The following CELF5 variants were observed in gnomAD, a reference collection of about 807,000 sequenced individuals.
The protein encoded by CELF5 is CUG-BP and ETR-3 like factor 5.
CELF5 carries 6 observed loss-of-function variants against 54.9 expected under a neutral mutation model. The ratio of observed to expected loss-of-function variants is 0.11; its 90% CI spans 0.06 to 0.22. The LOEUF (loss-of-function observed/expected upper bound fraction) is 0.22, where lower values mean the gene tolerates loss of function less well. CELF5 is among the 10% of genes least tolerant of loss of function. The pLI is 1.00. For missense variants in CELF5, 401 were observed against 678.6 expected (o/e 0.59, Z 4.54); for synonymous variants, 271 against 290.9 (o/e 0.93, Z 0.70).
At chr19:3,277,900 T>A (rs1284670223) in intron 4 of CELF5, 131 bp from the exon 5 acceptor site, 2 of 670,634 alleles carry the variant, frequency 3.0e-6, no homozygotes, top group Non-Finnish European at 2.7e-6. Flanking sequence ...TGTCTTTCTG[T>A]TATCAGTTCT....
intron 2 of CELF5, among the ~76,000 whole-genome samples, chr19:3,271,441 C>T (rs1158377570): frequency 6.6e-6 from 1 of 152,116 alleles, no homozygotes; most frequent in Non-Finnish European, 1.5e-5. Context: ...GGAGGTTTTC[C>T]TCTCCTAGGT....
At position 3,269,592 on chromosome 19, in the gene CELF5, C is replaced by T. The variant is rs144753460; in HGVS notation, c.343-4280C>T. The stretch of plus-strand genomic sequence containing the variant: ...CCTGCAGTCGTTCCCATTCCCCACC[C>T]CCCAAGGGGCCTCAGTTTCCCCATC... On this transcript the variant is annotated intron_variant, in intron 2 of 12. Transcript: ENST00000292672. Among the ~76,000 whole-genome samples, 234 of 152,324 alleles carry T rather than the reference C, an allele frequency of 1.5e-3. 1 individual carries two copies. The highest frequency in any genetic ancestry group is 5.3e-3 in the African/African-American group (222 of 41,554).
At chr19:3,252,318 A>C (rs967526345) in intron 2 of CELF5, among the ~76,000 whole-genome samples, 2 of 152,102 alleles carry the variant, frequency 1.3e-5, no homozygotes, top group Non-Finnish European at 2.9e-5. Flanking sequence ...TACAGGTGTG[A>C]GCCAGCACAC....
chr19:3,263,805 T>G (rs2079842168), intron 2 of CELF5, among the ~76,000 whole-genome samples: 1 of 151,390 alleles, frequency 6.6e-6, no homozygotes, highest in Non-Finnish European at 1.5e-5. Context: ...CTCAGGAGGC[T>G]GAAGAAGGAG....
chr19:3,262,887 G>T (rs1278920790), intron 2 of CELF5, among the ~76,000 whole-genome samples: 1 of 151,876 alleles, frequency 6.6e-6, no homozygotes, highest in Non-Finnish European at 1.5e-5. Context: ...TGCAGTGAGT[G>T]GAGATCACGC....
rs1381878228 is a variant in CELF5 at position 3,282,085 on chromosome 19, G to A, written c.751-41G>A. On this transcript the variant is annotated intron_variant, in intron 6 of 12. Coordinates refer to ENST00000292672, the MANE Select transcript of CELF5 (RefSeq NM_021938.4). This position sits in a 1 kb window ranked among gnomAD's most constrained non-coding sequence, Gnocchi z 5.2. Reference sequence around the variant, plus strand: ...CCTCCCCTCATAAGCCATGATCTCAGGGCAGATATCACCCCAACTGTGACA... The same window carrying A: ...CCTCCCCTCATAAGCCATGATCTCAAGGCAGATATCACCCCAACTGTGACA... 2.5e-6 allele frequency: 4 copies of A among 1,612,134 alleles called. No individual in the cohort carries two copies. The highest frequency in any genetic ancestry group is 2.2e-5 in the East Asian group (1 of 44,856).
At chr19:3,293,573 TC>T in intron 12 of CELF5, 87 bp downstream of exon 12, 1 of 1,088,602 alleles carries the variant, frequency 9.2e-7, no homozygotes, top group Non-Finnish European at 1.2e-6. Flanking sequence ...CTCCAAACCC[TC>T]CCCAGGTGGG....
At position 3,278,133 on chromosome 19, in the gene CELF5, C is replaced by T. The variant is rs1352534657; in HGVS notation, c.603+23C>T. Reference sequence around the variant, plus strand: ...CCGGTGAGTTGGAGCTGCCCTTGGCCGTGGGGGTGGGGGTGGGAAAGGGGT... The same window carrying T: ...CCGGTGAGTTGGAGCTGCCCTTGGCTGTGGGGGTGGGGGTGGGAAAGGGGT... On this transcript the variant is annotated intron_variant, in intron 5 of 12. Coordinates refer to ENST00000292672, the MANE Select transcript of CELF5 (RefSeq NM_021938.4). The surrounding 1 kb of genome is among the most constrained non-coding windows in gnomAD (Gnocchi z 4.5). 3 of 580,228 alleles carry T rather than the reference C, an allele frequency of 5.2e-6. No homozygotes were observed. The highest frequency in any genetic ancestry group is 2.0e-5 in the African/African-American group (1 of 51,154). The allele number at this position is 580,228 out of a possible 1,614,324, so 35.9% of individuals were successfully genotyped here.
At chr19:3,232,891 A>G (rs951452635) in intron 1 of CELF5, among the ~76,000 whole-genome samples, 3 of 152,080 alleles carry the variant, frequency 2.0e-5, no homozygotes, top group Non-Finnish European at 2.9e-5. Flanking sequence ...CCTGACCAAC[A>G]TGGAGAAACC....
Position 3,278,877 on chromosome 19 carries a change from C to T in CELF5, c.603+767C>T, listed in dbSNP as rs1239215339. On this transcript the variant is annotated intron_variant, in intron 5 of 12. Transcript: ENST00000292672. The surrounding 1 kb of genome is among the most constrained non-coding windows in gnomAD (Gnocchi z 4.5). ...TTGGATTTGCTGAGGCCAGGAGAGG[C>T]CCTGACAAAAAGAAAGGCTGGGAGG... is the stretch of plus-strand genomic sequence containing the variant. Among the ~76,000 whole-genome samples, 1 of 151,994 alleles carries T rather than the reference C, an allele frequency of 6.6e-6. No homozygotes were observed. Among genetic ancestry groups the T allele is most frequent in the Non-Finnish European group, 1.5e-5 (1 of 68,016 alleles).
chr19:3,240,340 T>C (rs1188852842), intron 1 of CELF5, among the ~76,000 whole-genome samples: 1 of 151,194 alleles, frequency 6.6e-6, no homozygotes, highest in Non-Finnish European at 1.5e-5. Flanking sequence ...CTTTCTTTTT[T>C]TTTGAGATGG....
intron 2 of CELF5, among the ~76,000 whole-genome samples, chr19:3,269,807 G>A (rs944080997): frequency 2.4e-4 from 37 of 151,136 alleles, no homozygotes; most frequent in African/African-American, 8.5e-4. Flanking sequence ...TGTCGTCCAC[G>A]CCGGAGTGCA....
At chr19:3,227,481 C>A (rs1916991534) in intron 1 of CELF5, among the ~76,000 whole-genome samples, 1 of 152,058 alleles carries the variant, frequency 6.6e-6, no homozygotes, top group Non-Finnish European at 1.5e-5. Context: ...GACCCCAGGC[C>A]TGGAGAGAAA....
chr19:3,225,480 C>CCCAGA, intron 1 of CELF5: 1 of 670,804 alleles, frequency 1.5e-6, no homozygotes, highest in Non-Finnish European at 1.8e-6. Flanking sequence ...CCCCCACCCC[C>CCCAGA]ATTCATTCAG....
At chr19:3,231,876 GAATA>G (rs1265398976) in intron 1 of CELF5, among the ~76,000 whole-genome samples, 1 of 151,824 alleles carries the variant, frequency 6.6e-6, no homozygotes, top group African/African-American at 2.4e-5. Context: ...ATGAGTGAAT[GAATA>G]GATGGATGGA....
chr19:3,237,107 T>C (rs1917645469), intron 1 of CELF5, among the ~76,000 whole-genome samples: 1 of 150,266 alleles, frequency 6.7e-6, no homozygotes. Context: ...GGTCAGGAGA[T>C]CGAGACCATC....
chr19:3,258,768 C>T (rs974506010), intron 2 of CELF5, among the ~76,000 whole-genome samples: 6 of 152,090 alleles, frequency 3.9e-5, no homozygotes, highest in South Asian at 4.2e-4. Context: ...CATGCCACCA[C>T]GCCTGGCTAG....
In CELF5 at chr19:3,282,037, TCACTAGTAA is replaced by T. The variant is rs1316946880; in HGVS notation, c.751-87_751-79del. 5 of 1,470,974 alleles carry T rather than the reference TCACTAGTAA, an allele frequency of 3.4e-6. No homozygotes were observed. In the Admixed American group the frequency reaches 6.8e-5, roughly 20 times the overall value. The allele number at this position is 1,470,974 out of a possible 1,614,324, so 91.1% of individuals were successfully genotyped here. The stretch of plus-strand genomic sequence containing the variant: ...AGCCAAGATACCCAGCCTGACCTCC[TCACTAGTAA>T]CTGGGGTACCAAGCCTCCCCTCATA... On this transcript the variant is annotated intron_variant, in intron 6 of 12. Transcript: ENST00000292672. The surrounding 1 kb of genome is among the most constrained non-coding windows in gnomAD (Gnocchi z 5.2).
intron 1 of CELF5, among the ~76,000 whole-genome samples, chr19:3,243,858 G>A (rs1047428926): frequency 1.3e-5 from 2 of 152,104 alleles, no homozygotes; most frequent in East Asian, 3.9e-4. Context: ...ACGTCCCCCT[G>A]CCTGTGCGTG....
Sources: gnomAD v4.1 joint callset for allele counts (sites outside exome capture counted in the v4.1 genomes callset) on GRCh38, gnomAD v4.1.1 for gene constraint, Gnocchi (gnomAD v3.1) non-coding constraint, MANE v1.5 for transcripts, NCBI Gene and HGNC (gene_info 2026-07-23, HGNC 2026-07-21) for gene names.